Variants in RBFOX1 observed in about 807,000 individuals in gnomAD.
RBFOX1 encodes RNA binding fox-1 homolog 1, also known as RNA binding protein fox-1 homolog 1.
In RBFOX1, 8 loss-of-function variants were observed where a neutral mutation model predicts 57.7. That is an observed-to-expected ratio of 0.14 (90% CI 0.08 to 0.25). The LOEUF is 0.25. Ranked by LOEUF, RBFOX1 falls within the 10% of genes least tolerant of loss-of-function variation. RBFOX1 has a pLI of 1.00. For synonymous variants in RBFOX1, 326 were observed against 222.4 expected (o/e 1.47, Z -4.15); for missense variants, 611 against 548.5 (o/e 1.11, Z -1.14).
intron 3 of RBFOX1, among the ~76,000 whole-genome samples, chr16:5,638,474 C>A (rs2048757891): frequency 6.6e-6 from 1 of 152,152 alleles, no homozygotes; most frequent in African/African-American, 2.4e-5. Flanking sequence ...TTGCCTCTTA[C>A]TTTTCCCTCT....
At chr16:6,036,700 C>T (rs147156705) in intron 1 of RBFOX1, among the ~76,000 whole-genome samples, 2 of 152,074 alleles carry the variant, frequency 1.3e-5, no homozygotes, top group Admixed American at 6.6e-5. Context: ...CAACACGTCT[C>T]CTATTTCCTC....
chr16:5,311,938 G>A (rs114016227), intron 1 of RBFOX1, among the ~76,000 whole-genome samples: 59 of 152,196 alleles, frequency 3.9e-4, no homozygotes, highest in African/African-American at 1.4e-3. Context: ...ATAATCTGTG[G>A]GCAAATCCAT....
chr16:6,533,062 C>G (rs1442901236), intron 2 of RBFOX1, among the ~76,000 whole-genome samples: 1 of 152,182 alleles, frequency 6.6e-6, no homozygotes, highest in African/African-American at 2.4e-5. Context: ...CTCTGTGTTG[C>G]AAAGCACACT....
At chr16:6,416,797 G>A (rs919819603) in intron 2 of RBFOX1, among the ~76,000 whole-genome samples, 4 of 152,148 alleles carry the variant, frequency 2.6e-5, no homozygotes, top group African/African-American at 4.8e-5. Flanking sequence ...CATCAAACAG[G>A]TTGCAGTGCT....
At chr16:5,376,006 A>G (rs1413551519) in intron 1 of RBFOX1, among the ~76,000 whole-genome samples, 1 of 151,842 alleles carries the variant, frequency 6.6e-6, no homozygotes, top group Non-Finnish European at 1.5e-5. Context: ...ATCTCTACTA[A>G]AAAATACAAA....
intron 2 of RBFOX1, among the ~76,000 whole-genome samples, chr16:6,414,946 C>T (rs1209519339): frequency 2.6e-5 from 4 of 151,950 alleles, no homozygotes; most frequent in African/African-American, 9.7e-5. Flanking sequence ...AATATCAATA[C>T]TGTTGAGTCT....
At chr16:6,844,958 G>A (rs1391999628) in intron 3 of RBFOX1, among the ~76,000 whole-genome samples, 1 of 152,034 alleles carries the variant, frequency 6.6e-6, no homozygotes, top group Non-Finnish European at 1.5e-5. Context: ...TTTTTCCTAT[G>A]TTTGTTGGCC....
At chr16:6,718,443 T>A (rs1460558002) in intron 3 of RBFOX1, among the ~76,000 whole-genome samples, 1 of 152,028 alleles carries the variant, frequency 6.6e-6, no homozygotes, top group African/African-American at 2.4e-5. Flanking sequence ...GTAATGCGAG[T>A]AAGAGTAATT....
intron 4 of RBFOX1, among the ~76,000 whole-genome samples, chr16:7,274,464 T>C (rs1216737095): frequency 1.3e-5 from 2 of 151,970 alleles, no homozygotes; most frequent in Non-Finnish European, 2.9e-5. Flanking sequence ...CTTAGCAAAG[T>C]CAGTTTCCTT....
chr16:7,709,710 T>G, intron 15 of RBFOX1: 5 of 1,012,762 alleles, frequency 4.9e-6, no homozygotes. Flanking sequence ...GTTTGGGGGT[T>G]GCCTTTTGTT....
intron 4 of RBFOX1, among the ~76,000 whole-genome samples, chr16:7,379,128 T>C (rs1170317507): frequency 1.3e-5 from 2 of 152,206 alleles, no homozygotes; most frequent in Non-Finnish European, 2.9e-5. Context: ...GCCAATGTCA[T>C]CACTTGTTGT....
intron 2 of RBFOX1, among the ~76,000 whole-genome samples, chr16:5,574,950 G>A (rs954214081): frequency 2.0e-5 from 3 of 152,264 alleles, no homozygotes; most frequent in Admixed American, 1.3e-4. Flanking sequence ...GCTTGATAAG[G>A]CTGCACAGAA....
Position 5,762,795 on chromosome 16 carries a change from G to A in RBFOX1, c.319-104508G>A, listed in dbSNP as rs556504650. On this transcript the variant is annotated intron_variant, in intron 3 of 19. Coordinates refer to the RBFOX1 transcript ENST00000641259. ...TTTGGATAATTCTGTCATTTACATA[G>A]GTCTGGGAAGATATTTCTGATTCCT... Among the ~76,000 whole-genome samples, 17 of 152,242 alleles carry A rather than the reference G, an allele frequency of 1.1e-4. No individual in the cohort carries two copies. In the East Asian group the frequency reaches 3.1e-3, roughly 28 times the overall value.
chr16:5,469,306 G>A (rs1051450323), intron 2 of RBFOX1, among the ~76,000 whole-genome samples: 2 of 152,132 alleles, frequency 1.3e-5, no homozygotes, highest in African/African-American at 4.8e-5. Context: ...GTCATTTCAG[G>A]ACTAGTTGGG....
At chr16:6,807,950 T>C (rs1431725579) in intron 3 of RBFOX1, among the ~76,000 whole-genome samples, 2 of 149,868 alleles carry the variant, frequency 1.3e-5, no homozygotes, top group African/African-American at 2.5e-5. Flanking sequence ...ATATGTAATA[T>C]ATGCATTATA....
chr16:5,935,346 G>C (rs147906577), intron 4 of RBFOX1, among the ~76,000 whole-genome samples: 1 of 152,208 alleles, frequency 6.6e-6, no homozygotes, highest in African/African-American at 2.4e-5. Flanking sequence ...TCCATCCTGC[G>C]TGTGGCAGAG....
At chr16:6,402,626 C>T (rs913427923) in intron 2 of RBFOX1, among the ~76,000 whole-genome samples, 6 of 152,168 alleles carry the variant, frequency 3.9e-5, no homozygotes, top group African/African-American at 1.4e-4. Context: ...TGCCTCCTTC[C>T]ACTACTGTCC....
intron 4 of RBFOX1, among the ~76,000 whole-genome samples, chr16:7,125,616 A>G (rs762578524): frequency 6.6e-6 from 1 of 152,206 alleles, no homozygotes; most frequent in Non-Finnish European, 1.5e-5. Flanking sequence ...TCGCAATAAT[A>G]TAGAAGATGG....
At chr16:6,697,643 T>G (rs536149223) in intron 3 of RBFOX1, among the ~76,000 whole-genome samples, 1 of 152,290 alleles carries the variant, frequency 6.6e-6, no homozygotes, top group East Asian at 1.9e-4. Flanking sequence ...AAGCCAAGGT[T>G]ATTTGCTCAC....
Sources: allele counts gnomAD v4.1 joint callset (sites outside exome capture counted in the v4.1 genomes callset), GRCh38; gene constraint gnomAD v4.1.1; transcripts MANE v1.5; gene names NCBI Gene and HGNC (gene_info 2026-07-23, HGNC 2026-07-21).